SELENBP1: variants seen among roughly 807,000 people sequenced by gnomAD.
SELENBP1 encodes the protein methanethiol oxidase.
In SELENBP1, 71 loss-of-function variants were observed where a neutral mutation model predicts 61.0. The ratio of observed to expected loss-of-function variants is 1.16; its 90% CI spans 0.96 to 1.42. SELENBP1 has a LOEUF of 1.42. SELENBP1 is among the 40% of genes most tolerant of loss of function. The pLI, the probability that SELENBP1 is intolerant of heterozygous loss-of-function variation, is 0.00. For missense variants in SELENBP1, 561 were observed against 605.0 expected, an observed-to-expected ratio of 0.93 and a Z score of 0.76; for synonymous variants, 270 against 238.9, an observed-to-expected ratio of 1.13 and a Z score of -1.20.
intron 11 of SELENBP1, 99 bp downstream of exon 11, chr1:151,364,827 G>T: frequency 6.7e-7 from 1 of 1,482,340 alleles, no homozygotes; most frequent in Non-Finnish European, 9.2e-7. Context: ...CCATCTGTGT[G>T]GTGGGGTACA....
chr1:151,371,481 C>A (rs1652136420), intron 1 of SELENBP1, among the ~76,000 whole-genome samples: 1 of 151,228 alleles, frequency 6.6e-6, no homozygotes, highest in South Asian at 2.1e-4. Flanking sequence ...AGGAGAATGC[C>A]AGGGAGTGCT....
chr1:151,367,203 G>T, intron 5 of SELENBP1: 1 of 363,144 alleles, frequency 2.8e-6, no homozygotes, highest in Non-Finnish European at 4.5e-6. Context: ...AATTACCCAG[G>T]CATGGCGTCA....
intron 7 of SELENBP1, 108 bp from the exon 8 acceptor site, chr1:151,365,954 G>A: frequency 8.4e-7 from 1 of 1,183,840 alleles, no homozygotes; most frequent in East Asian, 2.4e-5. Flanking sequence ...GGAGAGAATA[G>A]ATGCCCGGCC....
At chr1:151,371,125 T>C in intron 1 of SELENBP1, among the ~76,000 whole-genome samples, 1 of 152,202 alleles carries the variant, frequency 6.6e-6, no homozygotes, top group East Asian at 1.9e-4. Context: ...GGCTCATGCC[T>C]GTAATCCCAG....
intron 11 of SELENBP1, 94 bp from the exon 12 acceptor site, chr1:151,364,799 G>T: frequency 6.6e-7 from 1 of 1,508,254 alleles, no homozygotes; most frequent in South Asian, 1.3e-5. Flanking sequence ...AAGGAGGAAT[G>T]ACCAGGGTCT....
rs190549948 is a variant in SELENBP1, at chr1:151,372,012, C to T, written c.4+626G>A. On this transcript the variant is annotated intron_variant, in intron 1 of 11. Coordinates refer to ENST00000368868, the MANE Select transcript of SELENBP1 (RefSeq NM_003944.4). ...ATTCTGCCAGCTCAAGAGCCAGCCC[C>T]GAGCGGGGAAGGACCTCCCAACCAA... Among the ~76,000 whole-genome samples the T allele has an allele frequency of 6.6e-4, 85 of 128,400 alleles. No homozygotes were observed. In the East Asian group the frequency reaches 0.011, roughly 17 times the overall value. The allele number at this position is 128,400 out of a possible 152,430, so 84.2% of individuals were successfully genotyped here. A position where few individuals can be genotyped will look rare whatever the true frequency, so the allele number is the denominator to read the frequency against.
chr1:151,371,907 T>C (rs1225669465), intron 1 of SELENBP1, among the ~76,000 whole-genome samples: 1 of 152,158 alleles, frequency 6.6e-6, no homozygotes, highest in African/African-American at 2.4e-5. Context: ...CGGAGCAGCT[T>C]TGGGTTTGGG....
intron 1 of SELENBP1, chr1:151,370,079 C>T: frequency 8.1e-7 from 1 of 1,239,760 alleles, no homozygotes; most frequent in Non-Finnish European, 1.1e-6. Flanking sequence ...GGACTCGGGG[C>T]CCAACCCCAG....
chr1:151,370,133 C>T (rs1476551814), intron 1 of SELENBP1: 2 of 604,980 alleles, frequency 3.3e-6, no homozygotes, highest in East Asian at 2.9e-5. Flanking sequence ...AGTACTGAAG[C>T]TCCTCGACCT....
At chr1:151,365,478 G>A in intron 9 of SELENBP1, 85 bp downstream of exon 9, 1 of 1,594,086 alleles carries the variant, frequency 6.3e-7, no homozygotes, top group South Asian at 1.1e-5. Flanking sequence ...TCAACATCCT[G>A]CAGCTGCTTC....
intron 5 of SELENBP1, 117 bp downstream of exon 5, chr1:151,368,082 G>T: frequency 7.3e-7 from 1 of 1,365,610 alleles, no homozygotes; most frequent in Non-Finnish European, 1.0e-6. Context: ...CAGCTCACTG[G>T]TTCTCCTTGG....
At chr1:151,368,362 G>C in intron 4 of SELENBP1, 43 bp from the exon 5 acceptor site, 1 of 1,602,694 alleles carries the variant, frequency 6.2e-7, no homozygotes, top group Non-Finnish European at 8.5e-7. Flanking sequence ...ACAGGACTGG[G>C]AGTCCCTGCT....
At chr1:151,365,399 T>C in intron 9 of SELENBP1, 118 bp from the exon 10 acceptor site, 1 of 1,458,598 alleles carries the variant, frequency 6.9e-7, no homozygotes, top group Admixed American at 1.7e-5. Context: ...TGCATGCCCA[T>C]CCCTGGCCTG....
At chr1:151,368,892 T>A (rs1651990343) in intron 4 of SELENBP1, 112 bp downstream of exon 4, 2 of 1,157,210 alleles carry the variant, frequency 1.7e-6, no homozygotes, top group Non-Finnish European at 2.5e-6. Flanking sequence ...GCCGAGCCAG[T>A]TGCCGCGTAA....
At position 151,364,548 on chromosome 1, in the gene SELENBP1, T is replaced by C. The variant is rs766531391; in HGVS notation, c.1414A>G (p.Ile472Val). 6.2e-7 allele frequency: 1 copy of C among 1,613,940 alleles called. No homozygotes were observed. ...PGGDCSSDIW[I>V] ...GTGGGTGATGAGGGTGGAGTTCAAA[T>C]CCAGATGTCAGAGCTACAATCGCCC... Residue 472 changes from isoleucine to valine, a missense_variant, in exon 12 of 12, where the codon ATT becomes GTT. Transcript: ENST00000368868.
Position 151,364,684 on chromosome 1 carries a change from C to T in SELENBP1, c.1278G>A (p.Gln426=), listed in dbSNP as rs1372833618. ...CTCCTTTTACTGTGTCTACATCAAC[C>T]TGCAGCATCACAGAGCCTTCCCTGG... ...DLIREGSVML[Q]VDVDTVKGGL... Residue 426 remains glutamine (Q), a synonymous_variant, in exon 12 of 12, where the codon CAG becomes CAA. Transcript: ENST00000368868. 1.9e-6 allele frequency: 3 copies of T among 1,597,846 alleles called. No homozygotes were observed.
Position 151,365,215 on chromosome 1 carries a change from A to G in SELENBP1, c.1111T>C (p.Ser371Pro), listed in dbSNP as rs776010271. 84 of 1,613,806 alleles carry G rather than the reference A, an allele frequency of 5.2e-5. 1 individual carries two copies. In the Middle Eastern group the frequency reaches 2.0e-3, roughly 38 times the overall value. Residue 371 changes from serine to proline, a missense_variant, in exon 10 of 12, where the codon TCC (serine) becomes CCC (proline). Ser to Pro is a moderately conservative substitution (Grantham distance 74). Transcript: ENST00000368868. ...VQVLEDEELK[S>P]QPEPLVVKGK... Reference sequence around the variant, plus strand: ...TTGACCACTAGGGGCTCTGGCTGGGACTTTAGTTCCTCGTCCTCCAGCACT... The same window carrying G: ...TTGACCACTAGGGGCTCTGGCTGGGGCTTTAGTTCCTCGTCCTCCAGCACT...
rs191321745 is a variant in SELENBP1 at position 151,366,959 on chromosome 1, A to G, written c.482-55T>C. The G allele has an allele frequency of 2.0e-4, 308 of 1,577,678 alleles. 2 individuals are homozygous for G. In the East Asian group the frequency reaches 4.3e-3, roughly 22 times the overall value. On this transcript the variant is annotated intron_variant, in intron 5 of 11. Coordinates refer to ENST00000368868, the MANE Select transcript of SELENBP1 (RefSeq NM_003944.4). ...TAGAAGCAGTAGAGACACTAACCCC[A>G]CCCTCCAGCCCTCTCCCCGAGGCAT...
Position 151,372,214 on chromosome 1 carries a change from G to A in SELENBP1, c.4+424C>T, listed in dbSNP as rs571466856. Reference sequence around the variant, plus strand: ...GTGGAGTAGCTAGAGAGTGACCTGGGCACAGAAAGGCTTTGGACTCCCTAC... The same window carrying A: ...GTGGAGTAGCTAGAGAGTGACCTGGACACAGAAAGGCTTTGGACTCCCTAC... On this transcript the variant is annotated intron_variant, in intron 1 of 11. Transcript: ENST00000368868. 3.3e-5 allele frequency among the ~76,000 whole-genome samples: 5 copies of A among 152,270 alleles called. No individual in the cohort carries two copies. The East Asian group carries it at 9.7e-4, about 29-fold the overall frequency.
Sources: allele counts gnomAD v4.1 joint callset (sites outside exome capture counted in the v4.1 genomes callset), GRCh38; gene constraint gnomAD v4.1.1; transcripts MANE v1.5; gene names NCBI Gene and HGNC (gene_info 2026-07-23, HGNC 2026-07-21).